Variants in NOMO2 observed in about 807,000 individuals in gnomAD.
NOMO2 encodes the protein NODAL modulator 2, also known as BOS complex subunit NOMO2.
Under a neutral mutation model 67.1 loss-of-function variants are expected in NOMO2, and 14 were observed. The ratio of observed to expected loss-of-function variants is 0.21; its 90% CI spans 0.14 to 0.33. The LOEUF (loss-of-function observed/expected upper bound fraction) is 0.33. NOMO2 is among the 10% of genes least tolerant of loss of function. The pLI is 1.00. For missense variants in NOMO2, 178 were observed against 761.0 expected, an observed-to-expected ratio of 0.23 and a Z score of 9.01; for synonymous variants, 80 against 305.9, an observed-to-expected ratio of 0.26 and a Z score of 7.71.
At chr16:18,559,452 T>A (rs71236675) in intron 1 of NOMO2, among the ~76,000 whole-genome samples, 1 of 151,780 alleles carries the variant, frequency 6.6e-6, no homozygotes, top group Non-Finnish European at 1.5e-5. Flanking sequence ...AGTCGAATCT[T>A]ACCAGCTAAG....
intron 9 of NOMO2, among the ~76,000 whole-genome samples, chr16:18,540,427 C>A (rs1397296264): frequency 1.3e-5 from 2 of 151,808 alleles, no homozygotes; most frequent in Non-Finnish European, 2.9e-5. Flanking sequence ...CCTCAGGGAA[C>A]TTACAGGGCC....
At chr16:18,550,899 T>A (rs1596859540) in intron 4 of NOMO2, among the ~76,000 whole-genome samples, 1 of 151,786 alleles carries the variant, frequency 6.6e-6, no homozygotes, top group Non-Finnish European at 1.5e-5. Context: ...AGCGTACACC[T>A]GTAATCCCAG....
intron 1 of NOMO2, among the ~76,000 whole-genome samples, chr16:18,559,094 C>G (rs1901979491): frequency 2.0e-5 from 3 of 151,614 alleles, no homozygotes. Context: ...GGCCAGGAGT[C>G]AGAGGCTTTG....
intron 10 of NOMO2, 80 bp downstream of exon 10, chr16:18,538,779 A>G: frequency 6.7e-7 from 1 of 1,487,046 alleles, no homozygotes; most frequent in African/African-American, 1.4e-5. Context: ...GTTCTCATAT[A>G]GTCATCAGTT....
chr16:18,543,228 G>A (rs1198236347), intron 7 of NOMO2, among the ~76,000 whole-genome samples: 1 of 148,212 alleles, frequency 6.7e-6, no homozygotes, highest in Non-Finnish European at 1.5e-5. Context: ...ACCCAGGCTG[G>A]AGTGCAGTGG....
At chr16:18,526,329 T>C (rs1415202208) in intron 16 of NOMO2, among the ~76,000 whole-genome samples, 20 of 152,086 alleles carry the variant, frequency 1.3e-4, no homozygotes, top group African/African-American at 3.9e-4. Flanking sequence ...GAATATCAAA[T>C]GACACAGCCT....
intron 2 of NOMO2, among the ~76,000 whole-genome samples, chr16:18,556,738 G>A (rs1901913535): frequency 6.6e-6 from 1 of 152,104 alleles, no homozygotes; most frequent in Non-Finnish European, 1.5e-5. Context: ...GTGCATGTGT[G>A]CTTGTGTGTA....
At chr16:18,554,490 G>A (rs577976035) in intron 3 of NOMO2, among the ~76,000 whole-genome samples, 20 of 151,874 alleles carry the variant, frequency 1.3e-4, no homozygotes, top group Admixed American at 3.3e-4. Flanking sequence ...ATCCTGGGAC[G>A]GGAACCAAGT....
At chr16:18,550,608 G>T (rs934533034) in intron 4 of NOMO2, among the ~76,000 whole-genome samples, 1 of 152,014 alleles carries the variant, frequency 6.6e-6, no homozygotes, top group African/African-American at 2.4e-5. Flanking sequence ...GAAGAGAAAT[G>T]ACTCTCCCCT....
chr16:18,561,197 A>AAAAC (rs1567249266), intron 1 of NOMO2, among the ~76,000 whole-genome samples: 2 of 126,794 alleles, frequency 1.6e-5, no homozygotes, highest in African/African-American at 5.4e-5. Flanking sequence ...AAAAAAAAAA[A>AAAAC]AAAAAAAAAA....
intron 1 of NOMO2, among the ~76,000 whole-genome samples, chr16:18,559,258 G>A (rs530108245): frequency 2.0e-5 from 3 of 151,964 alleles, no homozygotes; most frequent in East Asian, 1.9e-4. Context: ...AGTGTAATAC[G>A]TAGGGAACAT....
intron 2 of NOMO2, among the ~76,000 whole-genome samples, chr16:18,557,148 C>CA (rs991044100): frequency 6.6e-6 from 1 of 151,396 alleles, no homozygotes; most frequent in Non-Finnish European, 1.5e-5. Context: ...AAAAAAACAA[C>CA]AAAAAAAACC....
At position 18,531,459 on chromosome 16, in the gene NOMO2, A is replaced by T; in HGVS notation, c.1537+7T>A. The T allele has an allele frequency of 6.2e-7, 1 of 1,612,986 alleles. No homozygotes were observed. Among genetic ancestry groups the T allele is most frequent in the Non-Finnish European group, 8.5e-7 (1 of 1,179,664 alleles). On this transcript the variant is annotated splice_region_variant and intron_variant, in intron 13 of 30. Coordinates refer to ENST00000622306, the MANE Select transcript of NOMO2 (RefSeq NM_173614.4). ...CTATGTGTTCTTACTTTCCAGTGAT[A>T]TCTTACCCAAACAAGAGACTTTCCC...
intron 3 of NOMO2, among the ~76,000 whole-genome samples, chr16:18,553,572 T>C (rs1322655762): frequency 6.6e-6 from 1 of 150,986 alleles, no homozygotes; most frequent in Non-Finnish European, 1.5e-5. Context: ...GCTGGTGAAG[T>C]GCTATCTTAT....
In NOMO2 at chr16:18,531,532, T is replaced by C. The variant is rs141011094; in HGVS notation, c.1471A>G (p.Arg491Gly). The C allele has an allele frequency of 2.4e-5, 39 of 1,604,700 alleles. No homozygotes were observed. The African/African-American group carries it at 4.0e-4, about 17-fold the overall frequency. Residue 491 changes from arginine to glycine, a missense_variant, in exon 13 of 31, where the codon AGG becomes GGG. Transcript: ENST00000622306. ...ACAAAGGCCACATCCATCACGGGCC[T>C]GTCGGTCACAGTAAGAGGAAATGTC... is the stretch of plus-strand genomic sequence containing the variant. ...PQTFPLTVTDRPVMDVAFVQF... is the reference protein window; with the variant it reads ...PQTFPLTVTDGPVMDVAFVQF...
At chr16:18,559,350 G>C (rs934410412) in intron 1 of NOMO2, among the ~76,000 whole-genome samples, 5 of 151,634 alleles carry the variant, frequency 3.3e-5, no homozygotes, top group African/African-American at 1.2e-4. Context: ...GTAAAAGGAA[G>C]CAGTTGGGTC....
chr16:18,559,507 T>A (rs573551701), intron 1 of NOMO2, among the ~76,000 whole-genome samples: 2 of 151,962 alleles, frequency 1.3e-5, no homozygotes, highest in African/African-American at 4.8e-5. Context: ...ATTTGAACAT[T>A]TGGGAAAGGA....
At chr16:18,543,219 C>A (rs1183969036) in intron 7 of NOMO2, among the ~76,000 whole-genome samples, 1 of 147,816 alleles carries the variant, frequency 6.8e-6, no homozygotes, top group Non-Finnish European at 1.5e-5. Flanking sequence ...CACTCTGTCA[C>A]CCAGGCTGGA....
At chr16:18,543,062 G>A (rs1189198582) in intron 7 of NOMO2, 1 of 241,392 alleles carries the variant, frequency 4.1e-6, no homozygotes, top group African/African-American at 2.6e-5. Flanking sequence ...GTTTAAACCT[G>A]AGATTTGTTT....
Sources: allele counts gnomAD v4.1 joint callset (sites outside exome capture counted in the v4.1 genomes callset), GRCh38; gene constraint gnomAD v4.1.1; transcripts MANE v1.5; gene names NCBI Gene and HGNC (gene_info 2026-07-23, HGNC 2026-07-21).